The following SHBG variants were observed in gnomAD, a reference collection of about 807,000 sequenced individuals.
SHBG encodes sex hormone binding globulin, also known as sex hormone-binding globulin.
Under a neutral mutation model 41.9 loss-of-function variants are expected in SHBG, and 37 were observed. The ratio of observed to expected loss-of-function variants is 0.88; its 90% CI spans 0.68 to 1.16. SHBG has a LOEUF of 1.16. Ranked by LOEUF, SHBG falls within the 50% of genes most tolerant of loss-of-function variation. SHBG has a pLI of 0.00. For missense variants in SHBG, 466 were observed against 499.9 expected (o/e 0.93, Z 0.65); for synonymous variants, 217 against 205.8 (o/e 1.05, Z -0.47).
upstream of SHBG, chr17:7,626,843 G>T: frequency 6.2e-7 from 1 of 1,609,838 alleles, no homozygotes; most frequent in Middle Eastern, 1.7e-4. Flanking sequence ...GAGCTGAAGG[G>T]GATCAGAAAA....
intron 1 of SHBG, among the ~76,000 whole-genome samples, chr17:7,618,930 A>C (rs2072040808): frequency 6.6e-6 from 1 of 152,150 alleles, no homozygotes; most frequent in Non-Finnish European, 1.5e-5. Flanking sequence ...TCCTTATAAG[A>C]GATTAATTAA....
upstream of SHBG, chr17:7,627,541 C>G: frequency 1.9e-6 from 3 of 1,600,788 alleles, no homozygotes; most frequent in Non-Finnish European, 2.6e-6. The surrounding 1 kb of genome is among the most constrained non-coding windows in gnomAD (Gnocchi z 4.8). Flanking sequence ...GCCACTCTGA[C>G]CCCCGGGTTA....
intron 1 of SHBG, among the ~76,000 whole-genome samples, chr17:7,622,046 T>G (rs537618831): frequency 5.3e-5 from 8 of 151,006 alleles, no homozygotes; most frequent in African/African-American, 2.0e-4. Context: ...GGTTTCACCA[T>G]GTTGGTCAGG....
intron 1 of SHBG, among the ~76,000 whole-genome samples, chr17:7,622,316 AGGCTGGAGTGCAGT>A (rs2072112865): frequency 6.6e-6 from 1 of 151,130 alleles, no homozygotes; most frequent in Non-Finnish European, 1.5e-5. Context: ...TCTGTCACCC[AGGCTGGAGTGCAGT>A]GGCTCAATCT....
At chr17:7,614,556 C>G (rs2071924524) in intron 1 of SHBG, 6 of 1,422,554 alleles carry the variant, frequency 4.2e-6, no homozygotes, top group Non-Finnish European at 5.5e-6. Flanking sequence ...CCTCCGACTC[C>G]CCCGGCGGCG....
chr17:7,630,610 C>G lies in SHBG; in HGVS notation c.204-70C>G. 1 of 1,538,982 alleles carries G rather than the reference C, an allele frequency of 6.5e-7. No individual in the cohort carries two copies. The highest frequency in any genetic ancestry group is 9.0e-7 in the Non-Finnish European group (1 of 1,113,768). Reference sequence around the variant, plus strand: ...TCCTTTCCTTATCTGTGAACACCATCTCCCCCAAACCCACACTGGTTCTCA... The same window carrying G: ...TCCTTTCCTTATCTGTGAACACCATGTCCCCCAAACCCACACTGGTTCTCA... On this transcript the variant is annotated intron_variant, in intron 2 of 7. Transcript: ENST00000380450. This position sits in a 1 kb window ranked among gnomAD's most constrained non-coding sequence, Gnocchi z 4.6.
chr17:7,631,455 G>C (rs1183203106), intron 4 of SHBG, 94 bp downstream of exon 4: 74 of 1,568,476 alleles, frequency 4.7e-5, no homozygotes, highest in Non-Finnish European at 6.0e-5. Context: ...CTTTTAGGGA[G>C]AAGGGAAGGG....
Position 7,631,967 on chromosome 17 carries a change from T to A in SHBG, c.804T>A (p.Leu268=). Residue 268 remains leucine, a synonymous_variant, in exon 6 of 8, where the codon CTT becomes CTA. Coordinates refer to ENST00000380450, the MANE Select transcript of SHBG (RefSeq NM_001040.5). ...QAAGSGHLLA[L]GTPENPSWLS... is the part of the protein sequence containing the mutation. ...CAGGCTCAGGCCACCTCCTTGCTCT[T>A]GGGACACCAGAGAACCCATCTTGGC... The A allele has an allele frequency of 6.2e-7, 1 of 1,614,010 alleles. No individual in the cohort carries two copies. The highest frequency in any genetic ancestry group is 8.5e-7 in the Non-Finnish European group (1 of 1,179,998).
upstream of SHBG, among the ~76,000 whole-genome samples, chr17:7,623,643 A>G (rs1439285658): frequency 6.6e-6 from 1 of 151,920 alleles, no homozygotes; most frequent in African/African-American, 2.4e-5. Flanking sequence ...TATTTTTTGC[A>G]GTGACCGGGT....
At chr17:7,619,276 G>T (rs1232626243) in intron 1 of SHBG, among the ~76,000 whole-genome samples, 1 of 151,560 alleles carries the variant, frequency 6.6e-6, no homozygotes, top group Non-Finnish European at 1.5e-5. Context: ...TGTAATCCCA[G>T]CTACTCGGGA....
chr17:7,616,293 G>C (rs2071984938), intron 1 of SHBG, among the ~76,000 whole-genome samples: 1 of 148,398 alleles, frequency 6.7e-6, no homozygotes, highest in South Asian at 2.2e-4. Context: ...CCTGGGCAAT[G>C]AGTGAAATTT....
At chr17:7,624,784 T>C (rs576508290), upstream of SHBG, among the ~76,000 whole-genome samples, 12 of 151,878 alleles carry the variant, frequency 7.9e-5, no homozygotes, top group Admixed American at 2.0e-4. Flanking sequence ...CCCCAGTAGC[T>C]GGGCCTAGAG....
At chr17:7,618,158 G>A (rs1429156422) in intron 1 of SHBG, among the ~76,000 whole-genome samples, 1 of 151,876 alleles carries the variant, frequency 6.6e-6, no homozygotes, top group African/African-American at 2.4e-5. Context: ...GGCTGAAGTT[G>A]CAGTGAGCCG....
At chr17:7,622,652 G>A (rs1167668431) in intron 1 of SHBG, among the ~76,000 whole-genome samples, 1 of 152,116 alleles carries the variant, frequency 6.6e-6, no homozygotes, top group Non-Finnish European at 1.5e-5. Flanking sequence ...GGGTGGTTGT[G>A]AAAATGGAGT....
intron 1 of SHBG, among the ~76,000 whole-genome samples, chr17:7,617,404 GA>G (rs1236978097): frequency 2.0e-5 from 3 of 151,850 alleles, no homozygotes; most frequent in African/African-American, 7.3e-5. Context: ...CTGAGGTCAG[GA>G]GTTCAAGACC....
intron 1 of SHBG, among the ~76,000 whole-genome samples, chr17:7,618,415 G>C (rs1288753500): frequency 6.6e-6 from 1 of 150,690 alleles, no homozygotes; most frequent in Non-Finnish European, 1.5e-5. Context: ...GTGATTATAG[G>C]TGCCCACTGC....
At chr17:7,621,119 A>ACCAGCTGCATAAACTGGTCTC (rs1385520964) in intron 1 of SHBG, among the ~76,000 whole-genome samples, 4 of 121,408 alleles carry the variant, frequency 3.3e-5, no homozygotes, top group African/African-American at 6.1e-5. Context: ...AAAAAAAAAA[A>ACCAGCTGCATAAACTGGTCTC]AAAATCAAGA....
upstream of SHBG, among the ~76,000 whole-genome samples, chr17:7,629,559 C>G (rs982811185): frequency 6.6e-6 from 1 of 152,090 alleles, no homozygotes; most frequent in African/African-American, 2.4e-5. Flanking sequence ...TCTTGGGAGA[C>G]AGGCCTCAGA....
At chr17:7,626,643 TG>T (rs769151774), upstream of SHBG, 170 of 1,611,142 alleles carry the variant, frequency 1.1e-4, no homozygotes, top group Non-Finnish European at 1.4e-4. Context: ...CTAACTTTTC[TG>T]GGGTCAAAAA....
Sources: allele counts gnomAD v4.1 joint callset (sites outside exome capture counted in the v4.1 genomes callset), GRCh38; gene constraint gnomAD v4.1.1; non-coding constraint Gnocchi (gnomAD v3.1); transcripts MANE v1.5; gene names NCBI Gene and HGNC (gene_info 2026-07-23, HGNC 2026-07-21).